CAPS2: variants seen among roughly 807,000 people sequenced by gnomAD.
The protein encoded by CAPS2 is calcyphosine 2, also known as calcyphosin-2.
Under a neutral mutation model 86.5 loss-of-function variants are expected in CAPS2, and 98 were observed. The observed-to-expected ratio is 1.13, with a 90% CI of 0.96 to 1.34. The LOEUF (loss-of-function observed/expected upper bound fraction) is 1.34. CAPS2 is among the 40% of genes most tolerant of loss of function. CAPS2 has a pLI of 0.00. For synonymous variants in CAPS2, 210 were observed against 225.1 expected, an observed-to-expected ratio of 0.93 and a Z score of 0.60; for missense variants, 729 against 686.8, an observed-to-expected ratio of 1.06 and a Z score of -0.69.
chr12:75,356,722 A>T (rs2043178903), intron 1 of CAPS2, among the ~76,000 whole-genome samples: 1 of 152,230 alleles, frequency 6.6e-6, no homozygotes, highest in Non-Finnish European at 1.5e-5. Context: ...TTTAAATGGT[A>T]TAAATGCCCC....
intron 7 of CAPS2, chr12:75,305,945 C>A (rs1232261777): frequency 1.7e-6 from 2 of 1,143,456 alleles, no homozygotes; most frequent in East Asian, 4.9e-5. Context: ...GCGCTGGAGC[C>A]CGAGGAGCAT....
intron 1 of CAPS2, among the ~76,000 whole-genome samples, chr12:75,356,512 C>T (rs1471792872): frequency 6.6e-6 from 1 of 152,002 alleles, no homozygotes; most frequent in Non-Finnish European, 1.5e-5. Context: ...ACTATAAATT[C>T]TAAAGTAACT....
chr12:75,350,014 C>T (rs547002195), intron 1 of CAPS2, among the ~76,000 whole-genome samples: 1 of 152,332 alleles, frequency 6.6e-6, no homozygotes, highest in South Asian at 2.1e-4. Flanking sequence ...GGGTGCCCAC[C>T]ACCACTGTGG....
chr12:75,334,826 T>G (rs1283494935), upstream of CAPS2: 2 of 1,613,968 alleles, frequency 1.2e-6, no homozygotes, highest in Non-Finnish European at 1.7e-6. Context: ...GACCCACACT[T>G]TATAGACAAC....
At chr12:75,313,206 G>A (rs150814222) in intron 6 of CAPS2, among the ~76,000 whole-genome samples, 4 of 152,200 alleles carry the variant, frequency 2.6e-5, no homozygotes, top group African/African-American at 9.6e-5. Flanking sequence ...CAGACTAAAG[G>A]AGAAAGAGAC....
chr12:75,370,057 A>G (rs750745297), intron 1 of CAPS2: 47 of 1,423,914 alleles, frequency 3.3e-5, no homozygotes, highest in Non-Finnish European at 4.5e-5. Context: ...ACTCTTAACT[A>G]TTCTGGTTTT....
At chr12:75,277,182 AAC>A, downstream of CAPS2, 1 of 977,504 alleles carries the variant, frequency 1.0e-6, no homozygotes, top group Non-Finnish European at 1.2e-6. Context: ...CTGTCATGTT[AAC>A]ACGTTACATT....
At chr12:75,304,701 A>T in intron 8 of CAPS2, 56 bp downstream of exon 8, 1 of 1,294,206 alleles carries the variant, frequency 7.7e-7, no homozygotes, top group Non-Finnish European at 1.1e-6. Context: ...AGTACATTTT[A>T]AAAATACTTT....
chr12:75,298,585 G>A (rs1348831797), intron 11 of CAPS2, 102 bp downstream of exon 11: 2 of 829,848 alleles, frequency 2.4e-6, no homozygotes, highest in African/African-American at 3.4e-5. Context: ...ATGCAGGAGA[G>A]GAAATAAATT....
intron 5 of CAPS2, among the ~76,000 whole-genome samples, chr12:75,317,630 C>A (rs891179696): frequency 2.0e-5 from 3 of 151,916 alleles, no homozygotes; most frequent in African/African-American, 7.2e-5. Context: ...TTAATGGTAA[C>A]CCTCTTAGGC....
At chr12:75,324,321 G>A (rs1032698464) in intron 2 of CAPS2, among the ~76,000 whole-genome samples, 2 of 152,114 alleles carry the variant, frequency 1.3e-5, no homozygotes, top group African/African-American at 2.4e-5. Flanking sequence ...TGGAATCTAC[G>A]AGAGAGAGAC....
chr12:75,334,427 A>G (rs1269057313), upstream of CAPS2: 2 of 1,159,408 alleles, frequency 1.7e-6, no homozygotes, highest in African/African-American at 1.6e-5. Context: ...ATTACAATCC[A>G]GACGCGCTCT....
intron 1 of CAPS2, among the ~76,000 whole-genome samples, chr12:75,356,625 A>G (rs2043174811): frequency 6.6e-6 from 1 of 152,194 alleles, no homozygotes; most frequent in African/African-American, 2.4e-5. Context: ...AGGCAAAAAG[A>G]AAGGAAAAGG....
chr12:75,285,486 G>T (rs2138127941), intron 14 of CAPS2, among the ~76,000 whole-genome samples: 1 of 151,658 alleles, frequency 6.6e-6, no homozygotes, highest in Admixed American at 6.6e-5. Context: ...CTCCCTTTTA[G>T]GTATTTTGAA....
downstream of CAPS2, chr12:75,276,430 T>C (rs1284863177): frequency 3.1e-6 from 3 of 981,408 alleles, no homozygotes; most frequent in African/African-American, 3.5e-5. Context: ...TAAAATAAGA[T>C]ATGATCTACA....
chr12:75,357,810 T>C (rs1316725231), intron 1 of CAPS2, among the ~76,000 whole-genome samples: 1 of 151,538 alleles, frequency 6.6e-6, no homozygotes, highest in African/African-American at 2.4e-5. Context: ...CTGAACTGAA[T>C]GAAATTAAAA....
intron 1 of CAPS2, among the ~76,000 whole-genome samples, chr12:75,389,880 T>C (rs2045486722): frequency 6.6e-6 from 1 of 152,202 alleles, no homozygotes; most frequent in Non-Finnish European, 1.5e-5. Flanking sequence ...CTGTGTCTTG[T>C]CTACTGATCT....
At chr12:75,284,993 T>C in exon 15 of CAPS2, 9 of 1,608,740 alleles carry the variant, frequency 5.6e-6, no homozygotes, top group Non-Finnish European at 6.8e-6. Context: ...TATTCATTCA[T>C]TTCACCAATA....
At chr12:75,372,516 G>A (rs573590309) in intron 1 of CAPS2, among the ~76,000 whole-genome samples, 1 of 152,258 alleles carries the variant, frequency 6.6e-6, no homozygotes, top group East Asian at 1.9e-4. Flanking sequence ...GTAATGTCAT[G>A]GGAACAGGAA....
Sources: gnomAD v4.1 joint callset for allele counts (sites outside exome capture counted in the v4.1 genomes callset) on GRCh38, gnomAD v4.1.1 for gene constraint, MANE v1.5 for transcripts, NCBI Gene and HGNC (gene_info 2026-07-23, HGNC 2026-07-21) for gene names.